CRHR2: variants seen among roughly 807,000 people sequenced by gnomAD.
CRHR2 encodes the protein corticotropin-releasing hormone receptor 2.
Under a neutral mutation model 57.9 loss-of-function variants are expected in CRHR2, and 53 were observed. That is an observed-to-expected ratio of 0.92 (90% CI 0.73 to 1.15). The LOEUF is 1.15. CRHR2 is among the 50% of genes most tolerant of loss of function. The pLI is 0.00. For missense variants in CRHR2, 532 were observed against 542.6 expected, an observed-to-expected ratio of 0.98 and a Z score of 0.19; for synonymous variants, 213 against 220.9, an observed-to-expected ratio of 0.96 and a Z score of 0.32.
chr7:30,664,877 G>C (rs1584097338), intron 5 of CRHR2, among the ~76,000 whole-genome samples, 193 bp downstream of exon 5: 3 of 152,026 alleles, frequency 2.0e-5, no homozygotes, highest in Admixed American at 2.0e-4. Context: ...GGCAAGAATG[G>C]GGTGGAGTTG....
chr7:30,689,036 G>A (rs146903378), intron 2 of CRHR2: 72 of 711,182 alleles, frequency 1.0e-4, no homozygotes, highest in Non-Finnish European at 1.6e-4. Flanking sequence ...CTGCGTAAGG[G>A]CCCTCAGCAA....
intron 2 of CRHR2, among the ~76,000 whole-genome samples, chr7:30,670,272 GAAAAAT>G (rs1233826552): frequency 6.6e-6 from 1 of 152,128 alleles, no homozygotes; most frequent in African/African-American, 2.4e-5. Flanking sequence ...TCCATAGTTT[GAAAAAT>G]ACAAATTCTG....
intron 2 of CRHR2, among the ~76,000 whole-genome samples, chr7:30,678,070 C>G (rs901014138): frequency 6.0e-5 from 9 of 149,048 alleles, no homozygotes; most frequent in Admixed American, 5.3e-4. Flanking sequence ...CAGGGCCTTT[C>G]AGGGAGAGGG....
chr7:30,690,253 C>T (rs1784934751), intron 1 of CRHR2, among the ~76,000 whole-genome samples: 3 of 152,144 alleles, frequency 2.0e-5, no homozygotes, highest in Admixed American at 2.0e-4. Flanking sequence ...AGGAGCTTGC[C>T]AAGCTGATCA....
chr7:30,699,897 C>T (rs1439400973), intron 1 of CRHR2: 13 of 1,445,416 alleles, frequency 9.0e-6, no homozygotes, highest in African/African-American at 5.9e-5. Flanking sequence ...CTGGGAGCTC[C>T]GTGCTCCTGG....
chr7:30,670,726 A>G (rs1270604475), intron 2 of CRHR2, among the ~76,000 whole-genome samples: 2 of 152,236 alleles, frequency 1.3e-5, no homozygotes, highest in Non-Finnish European at 2.9e-5. Flanking sequence ...ACGTAGACGG[A>G]TGGGCACACA....
In CRHR2 at chr7:30,699,749, G is replaced by T. The variant is rs1313869705; in HGVS notation, c.-261+195C>A. The T allele has an allele frequency of 3.7e-5, 18 of 487,458 alleles. 1 individual carries two copies. In the South Asian group the frequency reaches 4.2e-4, roughly 11 times the overall value. The allele number at this position is 487,458 out of a possible 1,614,324, so 30.2% of individuals were successfully genotyped here. A position where few individuals can be genotyped will look rare whatever the true frequency, so the allele number is the denominator to read the frequency against. ...TCTCCAATTCATCATCAGACACAAG[G>T]ATCCCCGATCCAGCCCAGCCACCAG... On this transcript the variant is annotated intron_variant, in intron 1 of 13. Coordinates refer to the CRHR2 transcript ENST00000341843.
exon 1 of CRHR2, chr7:30,700,070 T>A: frequency 7.5e-7 from 1 of 1,340,372 alleles, no homozygotes; most frequent in Non-Finnish European, 9.7e-7. Context: ...TGGAGCCTGC[T>A]GCCCAGCACG....
chr7:30,653,561 C>T lies in CRHR2; in HGVS notation c.1135G>A (p.Asp379Asn). 8.7e-6 allele frequency: 14 copies of T among 1,613,060 alleles called. No homozygotes were observed. Among genetic ancestry groups the T allele is most frequent in the Non-Finnish European group, 1.1e-5 (13 of 1,179,900 alleles). Residue 379 changes from aspartate to asparagine, a missense_variant, in exon 12 of 12, where the codon GAC (aspartate) becomes AAC (asparagine). Coordinates refer to ENST00000471646, the MANE Select transcript of CRHR2 (RefSeq NM_001883.5). The surrounding 1 kb of genome is among the most constrained non-coding windows in gnomAD (Gnocchi z 5.0). The stretch of plus-strand genomic sequence containing the variant: ...ATGGGGACTCGAAGGGAGTGATGGT[C>T]CTGCCAGCGGTGCCACCTCTTCCTC... ...AVRKRWHRWQDHHSLRVPMAR... is the reference protein window; with the variant it reads ...AVRKRWHRWQNHHSLRVPMAR...
chr7:30,655,262 G>A (rs1261005805), intron 10 of CRHR2, among the ~76,000 whole-genome samples, 182 bp from the exon 11 acceptor site: 1 of 152,186 alleles, frequency 6.6e-6, no homozygotes, highest in Non-Finnish European at 1.5e-5. Flanking sequence ...CTCTGAGTGA[G>A]CAGTGGTCAC....
intron 1 of CRHR2, among the ~76,000 whole-genome samples, chr7:30,697,107 G>A (rs999326534): frequency 6.6e-6 from 1 of 152,244 alleles, no homozygotes; most frequent in Non-Finnish European, 1.5e-5. Flanking sequence ...GACCCTCAGT[G>A]TGTGTATGTT....
At chr7:30,661,246 G>A (rs965278650) in intron 7 of CRHR2, among the ~76,000 whole-genome samples, 2 of 152,214 alleles carry the variant, frequency 1.3e-5, no homozygotes, top group African/African-American at 4.8e-5. Flanking sequence ...TAGGGTCTGG[G>A]TCGGCCAGCA....
rs780741926 is a variant in CRHR2, at chr7:30,660,658, G to A, written c.759-13C>T. 1 of 1,558,680 alleles carries A rather than the reference G, an allele frequency of 6.4e-7. No individual in the cohort carries two copies. On this transcript the variant is annotated splice_polypyrimidine_tract_variant and intron_variant, in intron 7 of 11. Coordinates refer to ENST00000471646, the MANE Select transcript of CRHR2 (RefSeq NM_001883.5). ...GCCAAACCAGCACCTGTGAAGATGGGGTGGCTGTAGGGGGCCTCCTGAGCT... is the reference window on the plus strand; with the variant it reads ...GCCAAACCAGCACCTGTGAAGATGGAGTGGCTGTAGGGGGCCTCCTGAGCT...
intron 1 of CRHR2, chr7:30,699,937 C>T: frequency 6.6e-7 from 1 of 1,508,958 alleles, no homozygotes; most frequent in Admixed American, 2.2e-5. Context: ...CCACTCCCTG[C>T]ACTTACGTAT....
chr7:30,686,327 C>A, upstream of CRHR2: 2 of 1,458,248 alleles, frequency 1.4e-6, no homozygotes, highest in Non-Finnish European at 1.8e-6. Context: ...CTAACCCATC[C>A]CCAGCACCCA....
upstream of CRHR2, among the ~76,000 whole-genome samples, chr7:30,685,122 C>T (rs1379317773): frequency 6.6e-6 from 1 of 152,190 alleles, no homozygotes; most frequent in East Asian, 1.9e-4. Context: ...GTACCATGAG[C>T]AGCAGAGTAA....
chr7:30,699,291 G>T (rs1300233245), intron 1 of CRHR2, among the ~76,000 whole-genome samples: 1 of 152,168 alleles, frequency 6.6e-6, no homozygotes, highest in Non-Finnish European at 1.5e-5. Context: ...CTGGACAAAG[G>T]CACGGGGTGT....
intron 3 of CRHR2, among the ~76,000 whole-genome samples, chr7:30,666,999 C>T (rs1784207165): frequency 6.6e-6 from 1 of 152,206 alleles, no homozygotes; most frequent in Admixed American, 6.5e-5. Context: ...TTGGCTTTGT[C>T]CTCTAGCAGC....
chr7:30,663,147 A>C (rs1784078818), intron 5 of CRHR2, among the ~76,000 whole-genome samples: 1 of 152,210 alleles, frequency 6.6e-6, no homozygotes, highest in Non-Finnish European at 1.5e-5. Flanking sequence ...AGCTTTCTGT[A>C]GGCAGAGGCT....
Sources: gnomAD v4.1 joint callset for allele counts (sites outside exome capture counted in the v4.1 genomes callset) on GRCh38, gnomAD v4.1.1 for gene constraint, Gnocchi (gnomAD v3.1) non-coding constraint, MANE v1.5 for transcripts, NCBI Gene and HGNC (gene_info 2026-07-23, HGNC 2026-07-21) for gene names.